The following ARHGAP21 variants were observed in gnomAD, a reference collection of about 807,000 sequenced individuals.
The protein encoded by ARHGAP21 is Rho GTPase activating protein 21.
Under a neutral mutation model 164.6 loss-of-function variants are expected in ARHGAP21, and 38 were observed. The observed-to-expected ratio is 0.23, with a 90% confidence interval of 0.18 to 0.30. The LOEUF is 0.30. ARHGAP21 is among the 10% of genes least tolerant of loss of function. The pLI is 1.00. For missense variants in ARHGAP21, 1,822 were observed against 2,370.7 expected (o/e 0.77, Z 4.81); for synonymous variants, 766 against 857.9 (o/e 0.89, Z 1.87).
At chr10:24,712,501 C>G (rs1844933419) in intron 2 of ARHGAP21, among the ~76,000 whole-genome samples, 1 of 152,152 alleles carries the variant, frequency 6.6e-6, no homozygotes, top group African/African-American at 2.4e-5. Context: ...AGTAAATCAT[C>G]TCTAAATTAC....
chr10:24,647,355 A>T (rs1837673598), intron 4 of ARHGAP21, among the ~76,000 whole-genome samples: 1 of 152,210 alleles, frequency 6.6e-6, no homozygotes. Flanking sequence ...TGTTATGTAA[A>T]TCCAAGATTA....
chr10:24,596,118 C>A, intron 17 of ARHGAP21, 75 bp from the exon 18 acceptor site: 1 of 1,252,262 alleles, frequency 8.0e-7, no homozygotes, highest in Non-Finnish European at 1.1e-6. Flanking sequence ...GCTAAAATGC[C>A]CCTTTCATCC....
rs1469194799 is a variant in ARHGAP21 at position 24,607,565 on chromosome 10, T to C, written c.2618A>G (p.Asn873Ser). ...VGPPSLDAQP[N>S]SKTERSKSYD... ...TGATTTTGATCTTTCTGTCTTTGAG[T>C]TGGGCTGAGCATCCAGGCTAGGAGG... is the stretch of plus-strand genomic sequence containing the variant. The change falls in exon 11 of 26, where the codon AAC becomes AGC. Residue 873 changes from asparagine to serine, a missense_variant. Coordinates refer to ENST00000396432, the MANE Select transcript of ARHGAP21 (RefSeq NM_020824.4). 1.2e-6 allele frequency: 2 copies of C among 1,614,004 alleles called. No homozygotes were observed. Among genetic ancestry groups the C allele is most frequent in the African/African-American group, 2.7e-5 (2 of 74,912 alleles).
chr10:24,637,557 C>A (rs1214020870), intron 4 of ARHGAP21, among the ~76,000 whole-genome samples: 1 of 152,112 alleles, frequency 6.6e-6, no homozygotes, highest in Non-Finnish European at 1.5e-5. Context: ...ATGTAAATGA[C>A]CATTAATGAA....
intron 9 of ARHGAP21, among the ~76,000 whole-genome samples, chr10:24,614,096 A>T (rs559538405): frequency 1.9e-4 from 29 of 152,354 alleles, no homozygotes; most frequent in Admixed American, 1.0e-3. Context: ...CAATTTCACT[A>T]ATCTATCTTG....
chr10:24,626,073 T>C lies in ARHGAP21; in HGVS notation c.496-3311A>G, dbSNP rs180827419. ...CTGTTTAACTTTGCTGTGTTTAACA[T>C]AGAACAGCATAAAGTAGGTTTAAAA... is the stretch of plus-strand genomic sequence containing the variant. On this transcript the variant is annotated intron_variant, in intron 7 of 25. Coordinates refer to ENST00000396432, the MANE Select transcript of ARHGAP21 (RefSeq NM_020824.4). 5.3e-3 allele frequency among the ~76,000 whole-genome samples: 801 copies of C among 152,342 alleles called. 3 individuals are homozygous for C. The highest frequency in any genetic ancestry group is 9.2e-3 in the Non-Finnish European group (625 of 68,032).
intron 7 of ARHGAP21, among the ~76,000 whole-genome samples, chr10:24,626,392 G>A (rs575700074): frequency 1.6e-3 from 245 of 152,274 alleles, no homozygotes; most frequent in African/African-American, 4.9e-3. Context: ...AGATGATTAG[G>A]TCATGAGGGT....
Position 24,670,325 on chromosome 10 carries a change from G to C in ARHGAP21, c.136C>G (p.Pro46Ala), listed in dbSNP as rs201332034. 2 of 1,608,728 alleles carry C rather than the reference G, an allele frequency of 1.2e-6. No homozygotes were observed. The highest frequency in any genetic ancestry group is 1.7e-6 in the Non-Finnish European group (2 of 1,176,842). Residue 46 changes from proline (P) to alanine (A), a missense_variant, in exon 3 of 26, where the codon CCA becomes GCA. Physicochemically the swap from Pro to Ala is conservative, Grantham distance 27 (BLOSUM62 -1). This residue lies in a region of ARHGAP21 where 1,090 missense variants were observed against 1,378.9 expected (regional missense o/e 0.79). Coordinates refer to ENST00000396432, the MANE Select transcript of ARHGAP21 (RefSeq NM_020824.4). ...SLSEDETFSWPGPKTVTLKRT... is the reference protein window; with the variant it reads ...SLSEDETFSWAGPKTVTLKRT... ...TTCAACGTAACTGTTTTGGGACCTGGCCAGGAGAATGTTTCATCTTCAGAC... is the reference window on the plus strand; with the variant it reads ...TTCAACGTAACTGTTTTGGGACCTGCCCAGGAGAATGTTTCATCTTCAGAC...
chr10:24,679,694 G>A (rs1476828960), intron 2 of ARHGAP21, among the ~76,000 whole-genome samples: 1 of 152,106 alleles, frequency 6.6e-6, no homozygotes, highest in Non-Finnish European at 1.5e-5. Context: ...ATCTTAATTT[G>A]TACTTCCCTT....
At chr10:24,596,221 G>A in intron 17 of ARHGAP21, 178 bp from the exon 18 acceptor site, 2 of 546,834 alleles carry the variant, frequency 3.7e-6, no homozygotes, top group Admixed American at 7.6e-5. Flanking sequence ...ATTTGAGACA[G>A]TAAGAAGAGA....
Position 24,585,883 on chromosome 10 carries a change from T to C in ARHGAP21, c.4406A>G (p.Gln1469Arg), listed in dbSNP as rs763455374. The change falls in exon 26 of 26, where the codon CAG (glutamine) becomes CGG (arginine). Residue 1469 changes from glutamine (Q) to arginine (R), a missense_variant. Coordinates refer to ENST00000396432, the MANE Select transcript of ARHGAP21 (RefSeq NM_020824.4). The part of the protein sequence containing the change: ...KKESETLGRK[Q>R]KIIIAKENST... ...GTTTTCTTTGGCAATGATGATCTTC[T>C]GTTTTCTGCCCAGTGTCTCACTTTC... 1.2e-6 allele frequency: 2 copies of C among 1,614,078 alleles called. No individual in the cohort carries two copies. The highest frequency in any genetic ancestry group is 1.3e-5 in the African/African-American group (1 of 75,062).
chr10:24,685,075 G>A (rs749312148), intron 2 of ARHGAP21, among the ~76,000 whole-genome samples: 7 of 152,094 alleles, frequency 4.6e-5, no homozygotes, highest in Admixed American at 6.6e-5. Flanking sequence ...TTGGGGGGAG[G>A]AGGGGTTGCA....
intron 2 of ARHGAP21, among the ~76,000 whole-genome samples, chr10:24,709,157 A>G (rs568707091): frequency 6.6e-6 from 1 of 152,358 alleles, no homozygotes; most frequent in Admixed American, 6.5e-5. Context: ...TAGAAAACCT[A>G]GAGGAAATGG....
At chr10:24,591,403 G>A in intron 23 of ARHGAP21, 73 bp from the exon 24 acceptor site, 1 of 1,359,992 alleles carries the variant, frequency 7.4e-7, no homozygotes, top group Non-Finnish European at 1.0e-6. Context: ...ACAACATTTA[G>A]TAAAAGACAC....
chr10:24,610,414 A>G (rs2131031488), intron 9 of ARHGAP21, among the ~76,000 whole-genome samples: 1 of 152,102 alleles, frequency 6.6e-6, no homozygotes, highest in Admixed American at 6.5e-5. Context: ...TCTTCACTAA[A>G]AGACCCAGAG....
At chr10:24,669,534 A>G (rs1314863004) in intron 3 of ARHGAP21, among the ~76,000 whole-genome samples, 3 of 152,190 alleles carry the variant, frequency 2.0e-5, no homozygotes, top group South Asian at 2.1e-4. Flanking sequence ...TAGATCAACT[A>G]CTTATCTGTT....
chr10:24,597,429 G>A lies in ARHGAP21; in HGVS notation c.3334+18C>T. The A allele has an allele frequency of 6.2e-7, 1 of 1,601,126 alleles. No homozygotes were observed. The stretch of plus-strand genomic sequence containing the variant: ...TTTAAATCATTATATTTATTTGTTA[G>A]AAAGCTAACATCAATACCTTTACTG... On this transcript the variant is annotated intron_variant, in intron 16 of 25. Coordinates refer to ENST00000396432, the MANE Select transcript of ARHGAP21 (RefSeq NM_020824.4).
chr10:24,643,239 A>C (rs1174089877), intron 4 of ARHGAP21, among the ~76,000 whole-genome samples: 2 of 152,224 alleles, frequency 1.3e-5, no homozygotes, highest in African/African-American at 4.8e-5. Context: ...CTGCCTTCTA[A>C]AGTATTTAAA....
chr10:24,720,841 C>A (rs1358307072), intron 2 of ARHGAP21, among the ~76,000 whole-genome samples: 2 of 152,098 alleles, frequency 1.3e-5, no homozygotes, highest in South Asian at 2.1e-4. Context: ...TAATCCTCAA[C>A]CCTTCAATGA....
Sources: gnomAD v4.1 joint callset for allele counts (sites outside exome capture counted in the v4.1 genomes callset) on GRCh38, gnomAD v4.1.1 for gene constraint, gnomAD v4.1.1 regional missense constraint, MANE v1.5 for transcripts, NCBI Gene and HGNC (gene_info 2026-07-23, HGNC 2026-07-21) for gene names.